RAB3IL1: variants seen among roughly 807,000 people sequenced by gnomAD.
RAB3IL1 encodes the protein RAB3A interacting protein like 1, also known as guanine nucleotide exchange factor for Rab-3A.
Under a neutral mutation model 49.2 loss-of-function variants are expected in RAB3IL1, and 37 were observed. The ratio of observed to expected loss-of-function variants is 0.75; its 90% CI spans 0.58 to 0.99. The LOEUF is 0.99. Among genes scored for constraint, RAB3IL1 ranks in the 50% least tolerant of loss-of-function variants. The pLI is 0.00. For synonymous variants in RAB3IL1, 193 were observed against 213.9 expected (o/e 0.90, Z 0.85); for missense variants, 484 against 513.0 (o/e 0.94, Z 0.55).
the RAB3IL1 span, chr11:61,945,921 GT>G: frequency 3.8e-6 from 2 of 528,178 alleles, no homozygotes; most frequent in East Asian, 3.0e-4. Flanking sequence ...TTGGACCTAG[GT>G]GTATCCCAGC....
intron 8 of RAB3IL1, among the ~76,000 whole-genome samples, chr11:61,901,060 C>T (rs1220806346): frequency 6.6e-6 from 1 of 152,042 alleles, no homozygotes; most frequent in Non-Finnish European, 1.5e-5. Flanking sequence ...AATGGGTGCT[C>T]AGCACACCGC....
chr11:61,906,605 A>T lies in RAB3IL1; in HGVS notation c.518T>A (p.Leu173His), dbSNP rs372752764. The T allele has an allele frequency of 6.2e-7, 1 of 1,611,268 alleles. No homozygotes were observed. The highest frequency in any genetic ancestry group is 8.5e-7 in the Non-Finnish European group (1 of 1,179,032). The change falls in exon 5 of 10, where the codon CTT (leucine) becomes CAT (histidine). Residue 173 changes from leucine to histidine, a missense_variant. Transcript: ENST00000394836. The surrounding 1 kb of genome is among the most constrained non-coding windows in gnomAD (Gnocchi z 4.6). ...TSTPASPNRE[L>H]HPQLLSPTKA... is the part of the protein sequence containing the mutation. ...GGTGGGGCTCAGCAGCTGGGGGTGAAGCTCGCGGTTGGGAGAGGCTGGTGT... is the reference window on the plus strand; with the variant it reads ...GGTGGGGCTCAGCAGCTGGGGGTGATGCTCGCGGTTGGGAGAGGCTGGTGT...
intron 9 of RAB3IL1, among the ~76,000 whole-genome samples, 195 bp downstream of exon 9, chr11:61,899,119 C>T (rs1938764860): frequency 6.6e-6 from 1 of 152,226 alleles, no homozygotes; most frequent in Admixed American, 6.5e-5. Flanking sequence ...GGAGAAAGAC[C>T]AGCCGGACGG....
At position 61,908,167 on chromosome 11, in the gene RAB3IL1, G is replaced by A; in HGVS notation, c.151C>T (p.Gln51Ter). 6.4e-7 allele frequency: 1 copy of A among 1,560,536 alleles called. No individual in the cohort carries two copies. The highest frequency in any genetic ancestry group is 8.7e-7 in the Non-Finnish European group (1 of 1,154,980). ...AGCTGGGCGGCTGCGGGGCCCTCCTGGCCTTGGGCCTCCTCCCCTGCAGAG... is the reference window on the plus strand; with the variant it reads ...AGCTGGGCGGCTGCGGGGCCCTCCTAGCCTTGGGCCTCCTCCCCTGCAGAG... ...ETSAGEEAQGQEGPAAAQLDV... is the reference protein window; with the variant it reads ...ETSAGEEAQG Residue 51 changes from glutamine to a stop codon, truncating the protein, a stop_gained, in exon 2 of 10, where the codon CAG becomes TAG. Coordinates refer to ENST00000394836, the MANE Select transcript of RAB3IL1 (RefSeq NM_013401.4). LOFTEE classifies it high-confidence loss of function.
chr11:61,917,007 T>A (rs1591240539), intron 1 of RAB3IL1, among the ~76,000 whole-genome samples: 1 of 127,740 alleles, frequency 7.8e-6, no homozygotes, highest in African/African-American at 2.9e-5. Flanking sequence ...AGGGACAGGT[T>A]GGGAGGGTGG....
At chr11:61,915,690 C>T (rs1939647552) in intron 1 of RAB3IL1, among the ~76,000 whole-genome samples, 1 of 152,172 alleles carries the variant, frequency 6.6e-6, no homozygotes, top group African/African-American at 2.4e-5. Flanking sequence ...CCTCCTTCCT[C>T]CAAGCACAAT....
At chr11:61,918,939 T>C (rs1355628583), upstream of RAB3IL1, among the ~76,000 whole-genome samples, 1 of 152,198 alleles carries the variant, frequency 6.6e-6, no homozygotes, top group African/African-American at 2.4e-5. Flanking sequence ...CTCTCTTTCT[T>C]GGAGCTATGT....
intron 1 of RAB3IL1, 135 bp downstream of exon 1, chr11:61,917,222 C>A: frequency 8.0e-7 from 1 of 1,254,132 alleles, no homozygotes. Context: ...AGTCGGCTCG[C>A]CTGCAGGCAG....
upstream of RAB3IL1, chr11:61,917,641 G>C: frequency 7.5e-6 from 7 of 931,196 alleles, no homozygotes; most frequent in Non-Finnish European, 9.0e-6. Context: ...GGGATCCGGC[G>C]CGCGCTCCCA....
the RAB3IL1 span, among the ~76,000 whole-genome samples, chr11:61,931,571 C>G: frequency 6.6e-6 from 1 of 151,858 alleles, no homozygotes; most frequent in South Asian, 2.1e-4. Flanking sequence ...AGACCAAACC[C>G]AGTAAGCAGA....
At position 61,898,086 on chromosome 11, in the gene RAB3IL1, G is replaced by A. The variant is rs147378377; in HGVS notation, c.*192C>T. ...GTGGGGAAGAGAGGGGGGTCTTGCCGTGAAGTCCAGGCCCGTCTGTCCCAG... is the reference window on the plus strand; with the variant it reads ...GTGGGGAAGAGAGGGGGGTCTTGCCATGAAGTCCAGGCCCGTCTGTCCCAG... On this transcript the variant is annotated 3_prime_UTR_variant, in exon 10 of 10. Transcript: ENST00000394836. The surrounding 1 kb of genome is among the most constrained non-coding windows in gnomAD (Gnocchi z 5.1). 2.6e-5 allele frequency: 15 copies of A among 586,626 alleles called. No individual in the cohort carries two copies. Among genetic ancestry groups the A allele is most frequent in the African/African-American group, 5.7e-5 (3 of 52,910 alleles). 36.3% of individuals were successfully genotyped at this position (586,626 alleles called of 1,614,324 possible).
chr11:61,927,702 C>G, the RAB3IL1 span, among the ~76,000 whole-genome samples: 2 of 35,244 alleles, frequency 5.7e-5, no homozygotes, highest in African/African-American at 8.5e-5. Flanking sequence ...TATATTTCCC[C>G]CCTGCTGTTC....
At position 61,902,416 on chromosome 11, in the gene RAB3IL1, A is replaced by G. The variant is rs369427588; in HGVS notation, c.999+26T>C. 162 of 1,565,824 alleles carry G rather than the reference A, an allele frequency of 1.0e-4. 1 individual carries two copies. Among genetic ancestry groups the G allele is most frequent in the Non-Finnish European group, 1.3e-4 (153 of 1,154,706 alleles). On this transcript the variant is annotated intron_variant, in intron 8 of 9. Transcript: ENST00000394836. ...CACCCAGGTGGCCCCAAAGGAGTCA[A>G]GTAACGCTTGCAAAGGCTGACTCAC...
At chr11:61,903,036 C>T (rs1377464978) in intron 7 of RAB3IL1, among the ~76,000 whole-genome samples, 2 of 152,126 alleles carry the variant, frequency 1.3e-5, no homozygotes, top group Non-Finnish European at 2.9e-5. Context: ...TAAGAGCCTT[C>T]TCCCATGCCC....
At chr11:61,908,689 A>G in intron 1 of RAB3IL1, among the ~76,000 whole-genome samples, 1 of 152,226 alleles carries the variant, frequency 6.6e-6, no homozygotes, top group East Asian at 1.9e-4. Flanking sequence ...CTCAAAGGTC[A>G]CTGAATGATC....
chr11:61,937,480 G>T, the RAB3IL1 span, among the ~76,000 whole-genome samples: 1 of 151,714 alleles, frequency 6.6e-6, no homozygotes, highest in Non-Finnish European at 1.5e-5. Flanking sequence ...TAATTTGGTG[G>T]GGGGGTGGCT....
At chr11:61,911,446 G>A (rs573375983) in intron 1 of RAB3IL1, among the ~76,000 whole-genome samples, 7 of 152,114 alleles carry the variant, frequency 4.6e-5, no homozygotes, top group South Asian at 2.1e-4. Context: ...TGGGCTCCTC[G>A]GGTCCAGCCC....
chr11:61,929,590 A>ATTT, the RAB3IL1 span, among the ~76,000 whole-genome samples: 3 of 144,808 alleles, frequency 2.1e-5, no homozygotes, highest in Non-Finnish European at 3.0e-5. Context: ...AACCAAGCAG[A>ATTT]TTTTTTTTTT....
intron 1 of RAB3IL1, among the ~76,000 whole-genome samples, chr11:61,909,535 C>T (rs901029529): frequency 3.3e-5 from 5 of 152,222 alleles, no homozygotes; most frequent in Non-Finnish European, 7.3e-5. Flanking sequence ...GCTCTGGAAC[C>T]GGCCCAGAGT....
Sources: allele counts gnomAD v4.1 joint callset (sites outside exome capture counted in the v4.1 genomes callset), GRCh38; gene constraint gnomAD v4.1.1; non-coding constraint Gnocchi (gnomAD v3.1); transcripts MANE v1.5; gene names NCBI Gene and HGNC (gene_info 2026-07-23, HGNC 2026-07-21).